Variants in PCDH15 observed in about 807,000 individuals in gnomAD.
The protein encoded by PCDH15 is protocadherin-15.
PCDH15 carries 129 observed loss-of-function variants against 178.5 expected under a neutral mutation model. The observed-to-expected ratio is 0.72, with a 90% CI of 0.63 to 0.84. The LOEUF (loss-of-function observed/expected upper bound fraction) is 0.84. Ranked by LOEUF, PCDH15 falls within the 40% of genes least tolerant of loss-of-function variation. The pLI is 0.00. For synonymous variants in PCDH15, 800 were observed against 732.0 expected (o/e 1.09, Z -1.50); for missense variants, 2,230 against 2,099.9 (o/e 1.06, Z -1.21).
intron 2 of PCDH15, among the ~76,000 whole-genome samples, chr10:55,094,219 G>A (rs961754718): frequency 6.6e-6 from 1 of 152,028 alleles, no homozygotes; most frequent in Non-Finnish European, 1.5e-5. Flanking sequence ...GCCATAAAAA[G>A]GATGAGTTCA....
intron 1 of PCDH15, among the ~76,000 whole-genome samples, chr10:55,192,286 G>A (rs1223693697): frequency 6.6e-6 from 1 of 151,778 alleles, no homozygotes; most frequent in Non-Finnish European, 1.5e-5. Context: ...CCATTCTCCA[G>A]ATGGCTTATG....
At chr10:55,119,265 A>G (rs1837705090) in intron 2 of PCDH15, among the ~76,000 whole-genome samples, 2 of 152,166 alleles carry the variant, frequency 1.3e-5, no homozygotes, top group South Asian at 2.1e-4. Context: ...TCACACACCC[A>G]GGAAGCTGAC....
rs1951636048 is a variant in PCDH15, at chr10:54,793,532, C to G, written c.-29+7393G>C. 5.9e-5 allele frequency among the ~76,000 whole-genome samples: 9 copies of G among 151,346 alleles called. No individual in the cohort carries two copies. In the South Asian group the frequency reaches 1.9e-3, roughly 31 times the overall value. ...AATGTCTCAAAAAAATTTAAAGATA[C>G]AGGTTCAGCAAAGTAAGCTGAAAAA... On this transcript the variant is annotated intron_variant, in intron 1 of 37. Transcript: ENST00000644397.
intron 2 of PCDH15, among the ~76,000 whole-genome samples, chr10:55,589,586 G>T (rs1435417485): frequency 6.6e-6 from 1 of 152,048 alleles, no homozygotes; most frequent in Admixed American, 6.6e-5. Flanking sequence ...CTAATATCCA[G>T]AATCTACAAT....
chr10:55,119,507 AG>A (rs963749437), intron 2 of PCDH15, among the ~76,000 whole-genome samples: 6 of 151,348 alleles, frequency 4.0e-5, no homozygotes, highest in Non-Finnish European at 8.8e-5. Flanking sequence ...CAAAAAAAAA[AG>A]GTAAGCAAAC....
At chr10:54,659,054 T>A (rs978335561) in intron 2 of PCDH15, among the ~76,000 whole-genome samples, 1 of 152,004 alleles carries the variant, frequency 6.6e-6, no homozygotes, top group African/African-American at 2.4e-5. Flanking sequence ...AAAGATACAA[T>A]TCAACAAGAT....
chr10:55,421,158 A>G (rs1838611581), intron 2 of PCDH15, among the ~76,000 whole-genome samples: 1 of 151,534 alleles, frequency 6.6e-6, no homozygotes, highest in South Asian at 2.1e-4. Flanking sequence ...AAGAAGTCAG[A>G]AAGCATTCAG....
chr10:54,020,265 G>A lies in PCDH15; in HGVS notation c.2678C>T (p.Thr893Ile). 3.1e-6 allele frequency: 5 copies of A among 1,613,768 alleles called. No individual in the cohort carries two copies. Among genetic ancestry groups the A allele is most frequent in the Non-Finnish European group, 4.2e-6 (5 of 1,179,770 alleles). ...AATATCAAAGGCCTCTACCAGAAAAGTGATACTTGCTTCTTGGTCTGGAAA... is the reference window on the plus strand; with the variant it reads ...AATATCAAAGGCCTCTACCAGAAAAATGATACTTGCTTCTTGGTCTGGAAA... Reference protein sequence around the residue: ...EAFPDQEASITFLVEAFDIYG... With the variant: ...EAFPDQEASIIFLVEAFDIYG... The change falls in exon 20 of 38, where the codon ACT becomes ATT. Residue 893 changes from threonine (T) to isoleucine (I), a missense_variant. Coordinates refer to ENST00000644397, the MANE Select transcript of PCDH15 (RefSeq NM_001384140.1).
chr10:55,517,831 C>A (rs1480674838), intron 2 of PCDH15, among the ~76,000 whole-genome samples: 1 of 152,158 alleles, frequency 6.6e-6, no homozygotes, highest in African/African-American at 2.4e-5. Flanking sequence ...ACTATTAATA[C>A]TGACAAACAT....
intron 1 of PCDH15, among the ~76,000 whole-genome samples, chr10:55,318,593 T>TA (rs1268469573): frequency 2.6e-5 from 4 of 151,840 alleles, no homozygotes; most frequent in South Asian, 2.1e-4. Context: ...AGAGAAAATA[T>TA]AAAAAATATG....
At chr10:54,452,365 A>C (rs944889499) in intron 3 of PCDH15, 3 of 152,006 alleles carry the variant, frequency 2.0e-5, no homozygotes, top group Non-Finnish European at 4.4e-5. Flanking sequence ...CCCCTTAGAC[A>C]CTGGCTTTCT....
At position 55,197,762 on chromosome 10, in the gene PCDH15, G is replaced by A. The variant is rs78195409; in HGVS notation, c.-155-31111C>T. Among the ~76,000 whole-genome samples the A allele has an allele frequency of 2.6e-4, 40 of 152,076 alleles. No individual in the cohort carries two copies. The East Asian group carries it at 7.5e-3, about 29-fold the overall frequency. The stretch of plus-strand genomic sequence containing the variant: ...TTATCTTCTTGAAATGATATATTTT[G>A]CTTTTAAGTGGTATTACAGTGAGCT... On this transcript the variant is annotated intron_variant, in intron 1 of 5. Coordinates refer to the PCDH15 transcript ENST00000458638.
At chr10:54,125,853 C>A (rs971472120) in intron 15 of PCDH15, among the ~76,000 whole-genome samples, 2 of 151,994 alleles carry the variant, frequency 1.3e-5, no homozygotes, top group African/African-American at 2.4e-5. Flanking sequence ...TCAGTTTGTT[C>A]TTTAAATTGC....
intron 2 of PCDH15, among the ~76,000 whole-genome samples, chr10:55,529,607 G>A (rs1307584100): frequency 1.3e-5 from 2 of 150,646 alleles, no homozygotes; most frequent in African/African-American, 4.9e-5. Flanking sequence ...TTTACTTTTA[G>A]GATCACATAT....
chr10:54,321,426 TATA>T (rs926646436), intron 7 of PCDH15, among the ~76,000 whole-genome samples: 2 of 150,766 alleles, frequency 1.3e-5, no homozygotes, highest in African/African-American at 4.8e-5. Flanking sequence ...ATTAAATATT[TATA>T]ATATTTTATG....
chr10:54,804,948 T>TATATATATATAC (rs905516559), upstream of PCDH15, among the ~76,000 whole-genome samples: 3 of 127,230 alleles, frequency 2.4e-5, no homozygotes, highest in Non-Finnish European at 5.2e-5. Context: ...TATATATATA[T>TATATATATATAC]ACAGAGTTTG....
At chr10:54,775,236 G>A (rs1287222496) in intron 1 of PCDH15, among the ~76,000 whole-genome samples, 1 of 152,094 alleles carries the variant, frequency 6.6e-6, no homozygotes, top group Admixed American at 6.5e-5. Context: ...ATTTACTATT[G>A]TTATTATATC....
intron 2 of PCDH15, among the ~76,000 whole-genome samples, chr10:55,433,045 ACAAAAC>A (rs1472589988): frequency 1.5e-4 from 9 of 60,388 alleles, no homozygotes; most frequent in African/African-American, 1.4e-3. Flanking sequence ...ACAAAACAAA[ACAAAAC>A]AAAACAAAAA....
rs183296651 is a variant in PCDH15, at chr10:55,516,202, C to A, written c.-156+111423G>T. 2.0e-4 allele frequency among the ~76,000 whole-genome samples: 30 copies of A among 152,154 alleles called. No homozygotes were observed. The East Asian group carries it at 2.9e-3, about 15-fold the overall frequency. Reference sequence around the variant, plus strand: ...AATTGAATTGTGGACGGTTCCCCCCCATACCGTTCTCATGACACTGAAAAA... The same window carrying A: ...AATTGAATTGTGGACGGTTCCCCCCAATACCGTTCTCATGACACTGAAAAA... On this transcript the variant is annotated intron_variant, in intron 2 of 5. Transcript: ENST00000613346.
Sources: allele counts gnomAD v4.1 joint callset (sites outside exome capture counted in the v4.1 genomes callset), GRCh38; gene constraint gnomAD v4.1.1; transcripts MANE v1.5; gene names NCBI Gene and HGNC (gene_info 2026-07-23, HGNC 2026-07-21).